The following CPNE5 variants were observed in gnomAD, a reference collection of about 807,000 sequenced individuals.
CPNE5 encodes the protein copine-5.
Under a neutral mutation model 81.1 loss-of-function variants are expected in CPNE5, and 42 were observed. The ratio of observed to expected loss-of-function variants is 0.52; its 90% CI spans 0.40 to 0.67. The LOEUF (loss-of-function observed/expected upper bound fraction) is 0.67. CPNE5 is among the 30% of genes least tolerant of loss of function. The pLI is 0.00. For synonymous variants in CPNE5, 313 were observed against 321.5 expected (o/e 0.97, Z 0.28); for missense variants, 612 against 815.5 (o/e 0.75, Z 3.04).
At chr6:36,796,434 T>C (rs988241657) in intron 6 of CPNE5, among the ~76,000 whole-genome samples, 14 of 151,776 alleles carry the variant, frequency 9.2e-5, no homozygotes, top group African/African-American at 3.1e-4. Flanking sequence ...CAGCTGGGAG[T>C]TGGGAAGCAC....
At chr6:36,797,869 A>G (rs182299728) in intron 6 of CPNE5, among the ~76,000 whole-genome samples, 269 of 152,138 alleles carry the variant, frequency 1.8e-3, no homozygotes, top group African/African-American at 5.5e-3. Context: ...TCTGGGCTTC[A>G]GTTTCTTCTT....
chr6:36,750,249 G>C (rs1187387301), intron 14 of CPNE5, among the ~76,000 whole-genome samples: 3 of 152,164 alleles, frequency 2.0e-5, no homozygotes, highest in Admixed American at 2.0e-4. Context: ...AGAAACCACA[G>C]CTCTATCAGC....
Position 36,823,087 on chromosome 6 carries a change from T to C in CPNE5, c.107A>G (p.Asp36Gly), listed in dbSNP as rs1772199941. The C allele has an allele frequency of 6.4e-7, 1 of 1,572,632 alleles. No individual in the cohort carries two copies. The highest frequency in any genetic ancestry group is 8.6e-7 in the Non-Finnish European group (1 of 1,157,734). The change falls in exon 2 of 21, where the codon GAC (aspartate) becomes GGC (glycine). Residue 36 changes from aspartate (D) to glycine (G), a missense_variant. Asp to Gly is a moderately conservative substitution (Grantham distance 94). Transcript: ENST00000244751. The stretch of plus-strand genomic sequence containing the variant: ...GTCGGACTTGGAAAACATGTCTTTG[T>C]CCAGGAGGTTCCTGAAAGAGGGGGA... Reference protein sequence around the residue: ...EITVSCRNLLDKDMFSKSDPL... With the variant: ...EITVSCRNLLGKDMFSKSDPL...
chr6:36,782,816 AACACACACACACACACAC>A (rs3997726), intron 8 of CPNE5, among the ~76,000 whole-genome samples: 130 of 126,320 alleles, frequency 1.0e-3, no homozygotes, highest in African/African-American at 3.6e-3. Context: ...CAAAAACCAA[AACACACACACACACACAC>A]ACACACACAC....
At chr6:36,794,294 T>C (rs1245247154) in intron 7 of CPNE5, among the ~76,000 whole-genome samples, 1 of 151,858 alleles carries the variant, frequency 6.6e-6, no homozygotes, top group Non-Finnish European at 1.5e-5. Context: ...CCGCTATTCA[T>C]AGACAACATC....
intron 3 of CPNE5, among the ~76,000 whole-genome samples, chr6:36,820,396 C>T (rs1169736244): frequency 7.5e-6 from 1 of 132,552 alleles, no homozygotes; most frequent in African/African-American, 2.9e-5. Context: ...GGCTGGAGTG[C>T]AGTGGTACGA....
intron 18 of CPNE5, 81 bp from the exon 19 acceptor site, chr6:36,744,406 C>T: frequency 9.1e-7 from 1 of 1,098,060 alleles, no homozygotes; most frequent in Non-Finnish European, 1.4e-6. Context: ...AGGGGTAGGA[C>T]AGGAAGGGGT....
chr6:36,815,162 AAAAAAAAAAGAAC>A (rs910091965), intron 3 of CPNE5, among the ~76,000 whole-genome samples: 14 of 143,768 alleles, frequency 9.7e-5, no homozygotes, highest in South Asian at 7.1e-4. Flanking sequence ...TGTCTCAAAA[AAAAAAAAAAGAAC>A]AAAAAAAAAG....
At chr6:36,755,557 C>T (rs958529659) in intron 13 of CPNE5, 7 of 151,628 alleles carry the variant, frequency 4.6e-5, no homozygotes, top group Admixed American at 2.6e-4. Flanking sequence ...TGTCTCCTCC[C>T]ACTAGAATAT....
intron 7 of CPNE5, among the ~76,000 whole-genome samples, chr6:36,792,817 C>T (rs1037519262): frequency 3.3e-5 from 5 of 152,146 alleles, no homozygotes; most frequent in Admixed American, 3.3e-4. Context: ...AGATAGGACC[C>T]CCTCCTTCAG....
chr6:36,747,222 A>G (rs1764270334), intron 15 of CPNE5, among the ~76,000 whole-genome samples: 1 of 149,626 alleles, frequency 6.7e-6, no homozygotes, highest in Non-Finnish European at 1.5e-5. Flanking sequence ...GCCTCCCCCA[A>G]TCCTTCCTAT....
intron 9 of CPNE5, 60 bp downstream of exon 9, chr6:36,778,794 C>T (rs938152823): frequency 2.6e-5 from 30 of 1,168,854 alleles, no homozygotes; most frequent in African/African-American, 1.4e-4. Flanking sequence ...ACCACCCGTC[C>T]GTCCTTGACC....
rs200609001 is a variant in CPNE5 at position 36,778,854 on chromosome 6, G to A, written c.632C>T (p.Thr211Met). ...GCACAAGTGTCCCCAGAAAACTCAC[G>A]TTCCATCCTCGTTGCTTCTGTAGAA... Reference protein sequence around the residue: ...LVFYRSNEDGTFTICHKTEVM... With the variant: ...LVFYRSNEDGMFTICHKTEVM... Residue 211 changes from threonine (T) to methionine (M), a missense_variant and splice_region_variant, in exon 9 of 21, where the codon ACG becomes ATG. Physicochemically the swap from Thr to Met is moderately conservative, Grantham distance 81. Transcript: ENST00000244751. 3.6e-4 allele frequency: 568 copies of A among 1,590,166 alleles called. 1 individual carries two copies. The highest frequency in any genetic ancestry group is 3.3e-4 in the Middle Eastern group (2 of 6,010).
intron 1 of CPNE5, among the ~76,000 whole-genome samples, chr6:36,828,529 G>A (rs9462229): frequency 0.048 from 7,237 of 152,204 alleles, 360 homozygotes; most frequent in African/African-American, 0.12. Context: ...GCCCAGAAGT[G>A]CTGCATCAAT....
At chr6:36,798,575 G>A (rs2150525180) in intron 4 of CPNE5, 81 bp from the exon 5 acceptor site, 1 of 1,315,288 alleles carries the variant, frequency 7.6e-7, no homozygotes, top group Non-Finnish European at 1.1e-6. Context: ...TTGAGTCAGG[G>A]CCCCTGTCCC....
chr6:36,791,732 A>G (rs1273945267), intron 8 of CPNE5, among the ~76,000 whole-genome samples: 1 of 152,166 alleles, frequency 6.6e-6, no homozygotes, highest in Non-Finnish European at 1.5e-5. Flanking sequence ...GCTCAAGGAC[A>G]CGTGAGTGGT....
At chr6:36,838,962 A>G (rs1234033204) in intron 1 of CPNE5, among the ~76,000 whole-genome samples, 1 of 152,166 alleles carries the variant, frequency 6.6e-6, no homozygotes, top group African/African-American at 2.4e-5. Flanking sequence ...GCCTGAGCAG[A>G]GACCGTAGTA....
rs1008095297 is a variant in CPNE5 at position 36,746,169 on chromosome 6, C to T, written c.1200+227G>A. 6.4e-5 allele frequency: 63 copies of T among 985,384 alleles called. No homozygotes were observed. Among genetic ancestry groups the T allele is most frequent in the African/African-American group, 1.2e-4 (7 of 57,342 alleles). 61.0% of individuals were successfully genotyped at this position (985,384 alleles called of 1,614,324 possible). On this transcript the variant is annotated intron_variant, in intron 16 of 20. Transcript: ENST00000244751. This position sits in a 1 kb window ranked among gnomAD's most constrained non-coding sequence, Gnocchi z 4.5. ...CTGCGTCTTGTCAGGAACAAGGAAG[C>T]CAGGGCCAGCTGTGGGCAGGCAGCT...
intron 1 of CPNE5, among the ~76,000 whole-genome samples, chr6:36,824,166 C>T (rs1318453857): frequency 6.6e-6 from 1 of 151,956 alleles, no homozygotes; most frequent in Non-Finnish European, 1.5e-5. Context: ...TGTTTCTCTC[C>T]TGCGGGCTTT....
Sources: allele counts gnomAD v4.1 joint callset (sites outside exome capture counted in the v4.1 genomes callset), GRCh38; gene constraint gnomAD v4.1.1; non-coding constraint Gnocchi (gnomAD v3.1); transcripts MANE v1.5; gene names NCBI Gene and HGNC (gene_info 2026-07-23, HGNC 2026-07-21).